FAM219A: variants seen among roughly 807,000 people sequenced by gnomAD.
The protein encoded by FAM219A is family with sequence similarity 219 member A.
A neutral mutation model predicts 23.4 loss-of-function variants in FAM219A; 7 were observed. The observed-to-expected ratio is 0.30, with a 90% CI of 0.17 to 0.56. FAM219A has a LOEUF of 0.56. FAM219A is among the 20% of genes least tolerant of loss of function. The pLI is 0.92. For synonymous variants in FAM219A, 93 were observed against 99.0 expected, an observed-to-expected ratio of 0.94 and a Z score of 0.36; for missense variants, 166 against 246.9, an observed-to-expected ratio of 0.67 and a Z score of 2.20.
chr9:34,401,199 G>A (rs1191389521), intron 5 of FAM219A, 77 bp from the exon 6 acceptor site: 17 of 1,533,802 alleles, frequency 1.1e-5, no homozygotes, highest in Middle Eastern at 1.7e-4. Context: ...ACTCCAGGCC[G>A]TCTGCGCCCC....
intron 1 of FAM219A, among the ~76,000 whole-genome samples, chr9:34,416,255 GA>G (rs1390505380): frequency 3.9e-5 from 5 of 129,726 alleles, no homozygotes; most frequent in Non-Finnish European, 6.6e-5. Flanking sequence ...AAGAAAGAAA[GA>G]AAGGGGGAGG....
intron 1 of FAM219A, among the ~76,000 whole-genome samples, chr9:34,455,705 C>T (rs1481935447): frequency 6.6e-6 from 1 of 151,974 alleles, no homozygotes; most frequent in East Asian, 1.9e-4. Flanking sequence ...CTTTATGCCC[C>T]AAAATGAAGA....
chr9:34,437,096 T>C lies in FAM219A; in HGVS notation c.60+21108A>G, dbSNP rs946232673. On this transcript the variant is annotated intron_variant, in intron 1 of 5. Coordinates refer to ENST00000651358, the MANE Select transcript of FAM219A (RefSeq NM_001184940.2). ...GCAGCAAGAGGCGTTGCCCTCTTAA[T>C]GGGTTTGCACTTCCCAGGAAAGCCT... Among the ~76,000 whole-genome samples the C allele has an allele frequency of 3.3e-5, 5 of 152,230 alleles. No individual in the cohort carries two copies. The South Asian group carries it at 8.3e-4, about 25-fold the overall frequency.
intron 1 of FAM219A, among the ~76,000 whole-genome samples, chr9:34,454,799 A>T (rs142060560): frequency 6.6e-6 from 1 of 152,306 alleles, no homozygotes. Context: ...TTAAATAATT[A>T]AAAAAATAAA....
chr9:34,441,267 GC>G (rs1823163812), intron 1 of FAM219A, among the ~76,000 whole-genome samples: 1 of 152,206 alleles, frequency 6.6e-6, no homozygotes, highest in African/African-American at 2.4e-5. Flanking sequence ...AATAAACCCA[GC>G]CCTTGCTGAA....
At chr9:34,418,017 T>A (rs1822098554) in intron 1 of FAM219A, among the ~76,000 whole-genome samples, 1 of 152,146 alleles carries the variant, frequency 6.6e-6, no homozygotes, top group Non-Finnish European at 1.5e-5. Flanking sequence ...AGAAAGCAAA[T>A]CTCACAGAGT....
chr9:34,451,060 C>T (rs1005023375), intron 1 of FAM219A, among the ~76,000 whole-genome samples: 1 of 152,188 alleles, frequency 6.6e-6, no homozygotes, highest in Non-Finnish European at 1.5e-5. Context: ...AATACAAGTA[C>T]AGATTTGCTT....
At chr9:34,409,329 A>T (rs1421991250) in intron 1 of FAM219A, among the ~76,000 whole-genome samples, 2 of 152,256 alleles carry the variant, frequency 1.3e-5, no homozygotes, top group Non-Finnish European at 2.9e-5. Flanking sequence ...TGGCAATGTA[A>T]TCAGGGAGAT....
intron 1 of FAM219A, among the ~76,000 whole-genome samples, chr9:34,430,846 T>TAACAACAAC (rs56402341): frequency 0.02 from 3,062 of 150,330 alleles, 90 homozygotes; most frequent in East Asian, 0.12. Context: ...TGTCTCCAAA[T>TAACAACAAC]AACAACAACA....
intron 1 of FAM219A, among the ~76,000 whole-genome samples, chr9:34,416,298 GGAAGGAAGGAAC>G (rs1208246412): frequency 1.9e-4 from 23 of 118,266 alleles, no homozygotes; most frequent in African/African-American, 5.5e-4. Context: ...AAGGAAGGAA[GGAAGGAAGGAAC>G]GAAGGAAGGA....
At chr9:34,422,357 A>G (rs894013437) in intron 1 of FAM219A, among the ~76,000 whole-genome samples, 11 of 152,236 alleles carry the variant, frequency 7.2e-5, no homozygotes, top group Admixed American at 7.2e-4. Context: ...GGTTGCATAA[A>G]GTAATATGTC....
At position 34,417,169 on chromosome 9, in the gene FAM219A, C is replaced by T. The variant is rs1822068780; in HGVS notation, c.61-11205G>A. Among the ~76,000 whole-genome samples the T allele has an allele frequency of 6.6e-6, 1 of 151,548 alleles. No individual in the cohort carries two copies. The highest frequency in any genetic ancestry group is 1.5e-5 in the Non-Finnish European group (1 of 67,890). ...TGATCTCGGCTCACTGCCTCAGCCT[C>T]CTGAGTACCTGGGATTACAGGCATG... On this transcript the variant is annotated intron_variant, in intron 1 of 5. Coordinates refer to ENST00000651358, the MANE Select transcript of FAM219A (RefSeq NM_001184940.2). This position sits in a 1 kb window ranked among gnomAD's most constrained non-coding sequence, Gnocchi z 4.1.
At chr9:34,443,284 G>C (rs755847864) in intron 1 of FAM219A, among the ~76,000 whole-genome samples, 17 of 152,134 alleles carry the variant, frequency 1.1e-4, no homozygotes, top group Admixed American at 7.2e-4. Flanking sequence ...CAATGGTGGG[G>C]ATCTCCAGGA....
At chr9:34,404,052 G>T (rs1255799476) in intron 2 of FAM219A, among the ~76,000 whole-genome samples, 1 of 152,176 alleles carries the variant, frequency 6.6e-6, no homozygotes, top group Non-Finnish European at 1.5e-5. Flanking sequence ...TTTTCATGAG[G>T]AGCTTTGATG....
chr9:34,449,905 C>G (rs781368731), intron 1 of FAM219A, among the ~76,000 whole-genome samples: 3 of 152,174 alleles, frequency 2.0e-5, no homozygotes, highest in Non-Finnish European at 4.4e-5. Context: ...CATGAAGCAT[C>G]CCAAAGGATC....
chr9:34,423,040 G>A (rs774154812), intron 1 of FAM219A, among the ~76,000 whole-genome samples: 1 of 152,164 alleles, frequency 6.6e-6, no homozygotes, highest in Non-Finnish European at 1.5e-5. Flanking sequence ...ATGGTGGCAC[G>A]TGTCTGTAGT....
At chr9:34,451,700 C>T (rs1823568849) in intron 1 of FAM219A, among the ~76,000 whole-genome samples, 1 of 152,108 alleles carries the variant, frequency 6.6e-6, no homozygotes, top group South Asian at 2.1e-4. Flanking sequence ...CAGCCTGAAC[C>T]CCAGCTACCA....
At chr9:34,404,146 A>G (rs1266309284) in intron 2 of FAM219A, among the ~76,000 whole-genome samples, 1 of 152,246 alleles carries the variant, frequency 6.6e-6, no homozygotes, top group Non-Finnish European at 1.5e-5. Flanking sequence ...CAAACAATAA[A>G]CTGGCAAAAC....
chr9:34,402,452 A>G lies in FAM219A; in HGVS notation c.279T>C (p.Asn93=). The G allele has an allele frequency of 6.2e-7, 1 of 1,614,114 alleles. No homozygotes were observed. The change falls in exon 4 of 6, where the codon AAT becomes AAC. Residue 93 remains asparagine, a synonymous_variant. Coordinates refer to ENST00000651358, the MANE Select transcript of FAM219A (RefSeq NM_001184940.2). ...VMARTRLVVP[N]KGYSSLDQSP... is the part of the protein sequence containing the mutation. ...TCTGGTCAAGTGAGGAGTAGCCTTT[A>G]TTGGGGACGACCAGCCTAGGTGAAG... is the stretch of plus-strand genomic sequence containing the variant.
Sources: allele counts gnomAD v4.1 joint callset (sites outside exome capture counted in the v4.1 genomes callset), GRCh38; gene constraint gnomAD v4.1.1; non-coding constraint Gnocchi (gnomAD v3.1); transcripts MANE v1.5; gene names NCBI Gene and HGNC (gene_info 2026-07-23, HGNC 2026-07-21).